ATP9B: variants seen among roughly 807,000 people sequenced by gnomAD.
ATP9B encodes probable phospholipid-transporting ATPase IIB.
A neutral mutation model predicts 146.1 loss-of-function variants in ATP9B; 110 were observed. That is an observed-to-expected ratio of 0.75 (90% CI 0.65 to 0.88). The LOEUF (loss-of-function observed/expected upper bound fraction) is 0.88. ATP9B is among the 40% of genes least tolerant of loss of function. The pLI, the probability that ATP9B is intolerant of heterozygous loss-of-function variation, is 0.00. For missense variants in ATP9B, 1,499 were observed against 1,496.4 expected, an observed-to-expected ratio of 1.00 and a Z score of -0.03; for synonymous variants, 604 against 569.7, an observed-to-expected ratio of 1.06 and a Z score of -0.86.
At chr18:79,071,889 G>GTTTT (rs71161758) in intron 1 of ATP9B, among the ~76,000 whole-genome samples, 3 of 91,424 alleles carry the variant, frequency 3.3e-5, no homozygotes, top group East Asian at 4.3e-4. Flanking sequence ...GTTTGGTTTT[G>GTTTT]TTTTTTTTTT....
intron 11 of ATP9B, among the ~76,000 whole-genome samples, chr18:79,218,526 G>A (rs1483449432): frequency 1.4e-5 from 2 of 145,864 alleles, no homozygotes; most frequent in East Asian, 2.1e-4. Context: ...GTTTCTTGTC[G>A]TATTTTCCTT....
At chr18:79,294,353 G>T (rs1027666467) in intron 13 of ATP9B, among the ~76,000 whole-genome samples, 1 of 152,216 alleles carries the variant, frequency 6.6e-6, no homozygotes, top group Non-Finnish European at 1.5e-5. Flanking sequence ...AGAGGAGGCG[G>T]CCAGACACCC....
At chr18:79,128,610 T>C (rs1464673827) in intron 5 of ATP9B, among the ~76,000 whole-genome samples, 4 of 152,216 alleles carry the variant, frequency 2.6e-5, no homozygotes. Flanking sequence ...TGTATAACTT[T>C]GCATTGTCTT....
chr18:79,354,661 C>T (rs892012113), intron 25 of ATP9B: 1 of 151,564 alleles, frequency 6.6e-6, no homozygotes, highest in Non-Finnish European at 1.5e-5. Context: ...ATGGGTTCCT[C>T]CCTGCTCCTT....
intron 29 of ATP9B, 113 bp downstream of exon 29, chr18:79,375,539 G>T (rs2097097860): frequency 6.6e-7 from 1 of 1,515,024 alleles, no homozygotes; most frequent in African/African-American, 1.4e-5. Flanking sequence ...TGTTCCTCAG[G>T]AACTCTCTGA....
intron 10 of ATP9B, among the ~76,000 whole-genome samples, chr18:79,211,901 G>T (rs73971523): frequency 6.6e-6 from 1 of 152,080 alleles, no homozygotes; most frequent in African/African-American, 2.4e-5. Flanking sequence ...TTAAAGTTTT[G>T]GAATTCTTCT....
At chr18:79,320,547 T>C (rs1209108244) in intron 15 of ATP9B, among the ~76,000 whole-genome samples, 1 of 152,224 alleles carries the variant, frequency 6.6e-6, no homozygotes, top group Non-Finnish European at 1.5e-5. Flanking sequence ...CTGAGCTAGC[T>C]GCCGTCAGTC....
chr18:79,344,326 C>T lies in ATP9B; in HGVS notation c.2444C>T (p.Ala815Val). The T allele has an allele frequency of 6.2e-7, 1 of 1,614,218 alleles. No individual in the cohort carries two copies. The highest frequency in any genetic ancestry group is 8.5e-7 in the Non-Finnish European group (1 of 1,180,034). ...LNAFRRKHDCALVISGDSLEV... is the reference protein window; with the variant it reads ...LNAFRRKHDCVLVISGDSLEV... ...GCATTTCGAAGGAAGCATGATTGTGCACTAGTCATATCTGGGGACTCTCTG... is the reference window on the plus strand; with the variant it reads ...GCATTTCGAAGGAAGCATGATTGTGTACTAGTCATATCTGGGGACTCTCTG... The change falls in exon 21 of 30, where the codon GCA becomes GTA. Residue 815 changes from alanine to valine, a missense_variant. Physicochemically the swap from Ala to Val is moderately conservative, Grantham distance 64. Transcript: ENST00000426216.
chr18:79,340,270 C>G (rs531805779), intron 19 of ATP9B: 18 of 152,174 alleles, frequency 1.2e-4, no homozygotes, highest in Non-Finnish European at 2.5e-4. Flanking sequence ...ATATGACTTT[C>G]TCGAGTTTTG....
chr18:79,314,639 C>T (rs1013921366), intron 15 of ATP9B, among the ~76,000 whole-genome samples: 1 of 152,298 alleles, frequency 6.6e-6, no homozygotes, highest in African/African-American at 2.4e-5. Context: ...GTCATTGTTT[C>T]TTATGATAAG....
chr18:79,090,805 G>A (rs2074259688), intron 1 of ATP9B, among the ~76,000 whole-genome samples: 1 of 152,044 alleles, frequency 6.6e-6, no homozygotes, highest in African/African-American at 2.4e-5. Context: ...GTTTGTCCAT[G>A]TTTGCTTTAG....
chr18:79,347,222 GAC>G lies in ATP9B; in HGVS notation c.2683-543_2683-542del, dbSNP rs141505724. Among the ~76,000 whole-genome samples the G allele has an allele frequency of 6.5e-3, 993 of 152,300 alleles. 5 individuals are homozygous for G. Among genetic ancestry groups the G allele is most frequent in the African/African-American group, 0.022 (928 of 41,554 alleles). ...CCACAGTCACTTAAATATTAATACA[GAC>G]ACACCCAGAAAGACCTGGAAAATTC... On this transcript the variant is annotated intron_variant, in intron 23 of 29. Transcript: ENST00000426216.
intron 12 of ATP9B, among the ~76,000 whole-genome samples, chr18:79,262,194 C>A (rs967956455): frequency 6.6e-6 from 1 of 150,478 alleles, no homozygotes; most frequent in Admixed American, 6.6e-5. Context: ...TCCTCCTCCT[C>A]TCCCCACAAC....
At position 79,307,170 on chromosome 18, in the gene ATP9B, T is replaced by A; in HGVS notation, c.1709T>A (p.Phe570Tyr). The A allele has an allele frequency of 6.2e-7, 1 of 1,614,208 alleles. No individual in the cohort carries two copies. Residue 570 changes from phenylalanine to tyrosine, a missense_variant, in exon 15 of 30, where the codon TTC (phenylalanine) becomes TAC (tyrosine). By Grantham distance (22) the Phe-to-Tyr change is conservative. Coordinates refer to ENST00000426216, the MANE Select transcript of ATP9B (RefSeq NM_198531.5). Reference sequence around the variant, plus strand: ...GCCGGCGTTACTGAGGAGACTGAGTTCGCAGAGGCTGACCAAGACTTCAGT... The same window carrying A: ...GCCGGCGTTACTGAGGAGACTGAGTACGCAGAGGCTGACCAAGACTTCAGT... ...SRAGVTEETE[F>Y]AEADQDFSDE... is the part of the protein sequence containing the mutation.
At chr18:79,095,460 C>T (rs2146748140) in intron 1 of ATP9B, among the ~76,000 whole-genome samples, 1 of 152,206 alleles carries the variant, frequency 6.6e-6, no homozygotes, top group East Asian at 1.9e-4. Context: ...CTGGACCTGG[C>T]TTTGTTGGTT....
At chr18:79,320,565 C>G (rs2096709719) in intron 15 of ATP9B, among the ~76,000 whole-genome samples, 1 of 152,230 alleles carries the variant, frequency 6.6e-6, no homozygotes, top group Non-Finnish European at 1.5e-5. Context: ...GTCTCCATAA[C>G]TGTGTCTGTT....
intron 9 of ATP9B, among the ~76,000 whole-genome samples, chr18:79,196,433 G>A (rs1159487528): frequency 2.6e-5 from 4 of 152,148 alleles, no homozygotes; most frequent in Non-Finnish European, 5.9e-5. Flanking sequence ...AATTTTATAC[G>A]CTTCCTCTAA....
chr18:79,244,252 T>G (rs1599221925), intron 11 of ATP9B, among the ~76,000 whole-genome samples: 2 of 150,708 alleles, frequency 1.3e-5, no homozygotes, highest in Admixed American at 6.6e-5. Context: ...GCCACCCCCC[T>G]GCCCTCCTGT....
intron 7 of ATP9B, among the ~76,000 whole-genome samples, chr18:79,166,299 G>A (rs2094963602): frequency 6.6e-6 from 1 of 152,182 alleles, no homozygotes; most frequent in Admixed American, 6.5e-5. Flanking sequence ...CCAGGAGACT[G>A]TGAGCATGTG....
Sources: gnomAD v4.1 joint callset for allele counts (sites outside exome capture counted in the v4.1 genomes callset) on GRCh38, gnomAD v4.1.1 for gene constraint, MANE v1.5 for transcripts, NCBI Gene and HGNC (gene_info 2026-07-23, HGNC 2026-07-21) for gene names.